CCDC14: variants seen among roughly 807,000 people sequenced by gnomAD.
The protein encoded by CCDC14 is coiled-coil domain containing 14, also known as coiled-coil domain-containing protein 14.
In CCDC14, 71 loss-of-function variants were observed where a neutral mutation model predicts 81.4. The ratio of observed to expected loss-of-function variants is 0.87; its 90% confidence interval spans 0.72 to 1.06. The LOEUF is 1.06. CCDC14 is among the 50% of genes least tolerant of loss of function. The pLI is 0.00. For missense variants in CCDC14, 1,046 were observed against 1,047.3 expected, an observed-to-expected ratio of 1.00 and a Z score of 0.02; for synonymous variants, 332 against 364.8, an observed-to-expected ratio of 0.91 and a Z score of 1.03.
chr3:123,891,779 G>A, the CCDC14 span, among the ~76,000 whole-genome samples: 1 of 152,148 alleles, frequency 6.6e-6, no homozygotes, highest in African/African-American at 2.4e-5. Context: ...TTCCAAAGTT[G>A]CTTCCACATT....
chr3:123,958,764 C>T (rs2148970556), intron 1 of CCDC14: 1 of 151,968 alleles, frequency 6.6e-6, no homozygotes, highest in South Asian at 2.1e-4. Context: ...GCCAATTATC[C>T]CAATACTGTT....
At chr3:123,959,420 T>C (rs1444279857) in intron 1 of CCDC14, among the ~76,000 whole-genome samples, 1 of 152,250 alleles carries the variant, frequency 6.6e-6, no homozygotes, top group Non-Finnish European at 1.5e-5. Context: ...TGGCCATCTG[T>C]ACATTTTCTT....
chr3:123,900,180 A>G (rs1295319703), intron 5 of CCDC14, among the ~76,000 whole-genome samples: 2 of 152,246 alleles, frequency 1.3e-5, no homozygotes, highest in African/African-American at 4.8e-5. Context: ...AATTGCAAAA[A>G]CAAAACAACC....
intron 1 of CCDC14, chr3:123,957,874 C>T (rs1157947370): frequency 1.3e-5 from 2 of 152,034 alleles, no homozygotes; most frequent in African/African-American, 4.8e-5. Context: ...CAGATGTAGT[C>T]ACTGTTGGCA....
At chr3:123,890,262 T>C in the CCDC14 span, among the ~76,000 whole-genome samples, 1 of 152,210 alleles carries the variant, frequency 6.6e-6, no homozygotes, top group East Asian at 1.9e-4. Context: ...AACCATATTA[T>C]TCTGCCCCGG....
intron 1 of CCDC14, among the ~76,000 whole-genome samples, chr3:123,960,837 A>C (rs953589795): frequency 8.5e-5 from 13 of 152,230 alleles, no homozygotes; most frequent in Non-Finnish European, 1.8e-4. Flanking sequence ...CTCAATCTGC[A>C]GGTGACTGAA....
chr3:123,910,957 G>C (rs9874389), downstream of CCDC14, among the ~76,000 whole-genome samples: 1,314 of 152,260 alleles, frequency 8.6e-3, 24 homozygotes, highest in African/African-American at 0.03. Context: ...TACGTAAACT[G>C]ATAAAGACAT....
At chr3:123,950,387 T>C (rs764363716) in intron 5 of CCDC14, among the ~76,000 whole-genome samples, 1 of 152,064 alleles carries the variant, frequency 6.6e-6, no homozygotes, top group African/African-American at 2.4e-5. Flanking sequence ...AAACACCAAA[T>C]AGCCATGAAT....
intron 5 of CCDC14, among the ~76,000 whole-genome samples, chr3:123,904,136 C>A (rs1287036445): frequency 2.0e-5 from 3 of 152,002 alleles, no homozygotes; most frequent in Non-Finnish European, 4.4e-5. Context: ...TACTAACTAG[C>A]CATTGAAGAG....
Position 123,935,470 on chromosome 3 carries a change from G to A in CCDC14, c.1344-1715C>T, listed in dbSNP as rs150736612. ...TCTCCCACCTTGTAGATACATACAA[G>A]GATGTTCACAACAGCAATTATTTAA... On this transcript the variant is annotated intron_variant, in intron 9 of 12. Transcript: ENST00000409697. 2.6e-3 allele frequency among the ~76,000 whole-genome samples: 402 copies of A among 152,192 alleles called. 1 individual carries two copies. Among genetic ancestry groups the A allele is most frequent in the Non-Finnish European group, 2.4e-3 (161 of 68,002 alleles).
At chr3:123,908,939 T>A (rs6766344), downstream of CCDC14, among the ~76,000 whole-genome samples, 5,310 of 152,294 alleles carry the variant, frequency 0.035, 118 homozygotes, top group Non-Finnish European at 0.053. Flanking sequence ...AGATGGCAAG[T>A]CTAATCATAT....
At position 123,915,087 on chromosome 3, in the gene CCDC14, T is replaced by C. The variant is rs1173459502; in HGVS notation, c.2410A>G (p.Lys804Glu). The change falls in exon 13 of 13, where the codon AAG (lysine) becomes GAG (glutamate). Residue 804 changes from lysine to glutamate, a missense_variant. Physicochemically the swap from Lys to Glu is moderately conservative, Grantham distance 56 (BLOSUM62 1). Transcript: ENST00000409697. ...PEKLSRASDMKDTQLLKKIKE... is the reference protein window; with the variant it reads ...PEKLSRASDMEDTQLLKKIKE... Reference sequence around the variant, plus strand: ...ATTTTCTTGAGGAGCTGTGTGTCCTTCATATCAGATGCTCTGGAAAGTTTT... The same window carrying C: ...ATTTTCTTGAGGAGCTGTGTGTCCTCCATATCAGATGCTCTGGAAAGTTTT... 1 of 1,614,052 alleles carries C rather than the reference T, an allele frequency of 6.2e-7. No individual in the cohort carries two copies. The highest frequency in any genetic ancestry group is 2.2e-5 in the East Asian group (1 of 44,886).
At chr3:123,902,855 G>A (rs1262306531) in intron 5 of CCDC14, among the ~76,000 whole-genome samples, 1 of 151,966 alleles carries the variant, frequency 6.6e-6, no homozygotes, top group Admixed American at 6.6e-5. Context: ...TGAACATGCA[G>A]GTTTGTTACA....
chr3:123,950,362 G>A (rs1420235341), intron 5 of CCDC14, among the ~76,000 whole-genome samples: 2 of 152,128 alleles, frequency 1.3e-5, no homozygotes, highest in East Asian at 3.9e-4. Context: ...TTGATTTGCA[G>A]TAGCCCAAAG....
rs769084364 is a variant in CCDC14 at position 123,913,844 on chromosome 3, G to C, written c.*935C>G. On this transcript the variant is annotated 3_prime_UTR_variant, in exon 13 of 13. Coordinates refer to ENST00000409697, the MANE Select transcript of CCDC14 (RefSeq NM_001366335.1). ...CATTCAGCTTCCTAAGAGTTAAAAC[G>C]TGCTGCTTACATGAAGGGAGATGAT... is the stretch of plus-strand genomic sequence containing the variant. The C allele has an allele frequency of 1.0e-6, 1 of 985,284 alleles. No homozygotes were observed. Among genetic ancestry groups the C allele is most frequent in the Non-Finnish European group, 1.2e-6 (1 of 829,888 alleles). 61.0% of individuals were successfully genotyped at this position (985,284 alleles called of 1,614,324 possible).
At chr3:123,904,959 A>G (rs1024127593) in intron 5 of CCDC14, among the ~76,000 whole-genome samples, 3 of 152,198 alleles carry the variant, frequency 2.0e-5, no homozygotes, top group Middle Eastern at 3.2e-3. Flanking sequence ...GACATTATAA[A>G]TCTGCAATAA....
intron 7 of CCDC14, among the ~76,000 whole-genome samples, chr3:123,948,069 A>C (rs2036761158): frequency 6.6e-6 from 1 of 152,104 alleles, no homozygotes; most frequent in Non-Finnish European, 1.5e-5. Flanking sequence ...ACAAACCAGA[A>C]ACTAAAACCT....
At chr3:123,910,528 T>G (rs2034422825), downstream of CCDC14, among the ~76,000 whole-genome samples, 1 of 151,916 alleles carries the variant, frequency 6.6e-6, no homozygotes, top group Non-Finnish European at 1.5e-5. Flanking sequence ...CAAAAACTGG[T>G]GAGGCAGGCT....
chr3:123,913,569 GAATTC>G lies in CCDC14; in HGVS notation c.*1205_*1209del, dbSNP rs753501542. On this transcript the variant is annotated 3_prime_UTR_variant, in exon 13 of 13. Coordinates refer to ENST00000409697, the MANE Select transcript of CCDC14 (RefSeq NM_001366335.1). ...ATGGACTCTTGTGTGAAATAGTTTAGAATTCACTTAATAAATTTTTAGACTTAAAT... is the reference window on the plus strand; with the variant it reads ...ATGGACTCTTGTGTGAAATAGTTTAGACTTAATAAATTTTTAGACTTAAAT... 2.5e-5 allele frequency: 24 copies of G among 979,364 alleles called. No individual in the cohort carries two copies. The highest frequency in any genetic ancestry group is 2.8e-5 in the Non-Finnish European group (23 of 826,078). The allele number at this position is 979,364 out of a possible 1,614,324, so 60.7% of individuals were successfully genotyped here. A position where few individuals can be genotyped will look rare whatever the true frequency, so the allele number is the denominator to read the frequency against.
Sources: gnomAD v4.1 joint callset for allele counts (sites outside exome capture counted in the v4.1 genomes callset) on GRCh38, gnomAD v4.1.1 for gene constraint, MANE v1.5 for transcripts, NCBI Gene and HGNC (gene_info 2026-07-23, HGNC 2026-07-21) for gene names.